The following PUM1 variants were observed in gnomAD, a reference collection of about 807,000 sequenced individuals.
PUM1 encodes pumilio homolog 1.
Under a neutral mutation model 131.8 loss-of-function variants are expected in PUM1, and 13 were observed. The ratio of observed to expected loss-of-function variants is 0.10; its 90% CI spans 0.06 to 0.16. The LOEUF (loss-of-function observed/expected upper bound fraction) is 0.16. Among genes scored for constraint, PUM1 ranks in the 10% least tolerant of loss-of-function variants. The pLI, the probability that PUM1 is intolerant of heterozygous loss-of-function variation, is 1.00. For synonymous variants in PUM1, 509 were observed against 556.5 expected, an observed-to-expected ratio of 0.91 and a Z score of 1.20; for missense variants, 961 against 1,512.4, an observed-to-expected ratio of 0.64 and a Z score of 6.05.
intron 10 of PUM1, among the ~76,000 whole-genome samples, chr1:30,969,478 T>C (rs1460035440): frequency 6.6e-6 from 1 of 152,116 alleles, no homozygotes; most frequent in Non-Finnish European, 1.5e-5. Flanking sequence ...AACACTAATA[T>C]ATTTATCAAG....
intron 2 of PUM1, among the ~76,000 whole-genome samples, chr1:31,038,984 A>ATTTTTTTTTTTTTTT (rs35507851): frequency 2.0e-5 from 1 of 49,416 alleles, no homozygotes; most frequent in African/African-American, 2.1e-4. Flanking sequence ...ATATATATAT[A>ATTTTTTTTTTTTTTT]TTTTTTTTTT....
intron 4 of PUM1, 78 bp downstream of exon 4, chr1:31,006,916 T>C (rs1019404461): frequency 9.8e-6 from 11 of 1,122,932 alleles, no homozygotes; most frequent in Admixed American, 1.9e-5. Context: ...TGATGTAAAA[T>C]TCATGACTTG....
At chr1:30,933,431 CACACACAT>C (rs1193833434) in intron 21 of PUM1, 89 bp from the exon 22 acceptor site, 41 of 850,208 alleles carry the variant, frequency 4.8e-5, no homozygotes, top group Admixed American at 4.6e-4. Context: ...TCATGCATCA[CACACACAT>C]ACACACACAC....
At position 31,048,619 on chromosome 1, in the gene PUM1, C is replaced by T. The variant is rs1187162804; in HGVS notation, c.363+10585G>A. On this transcript the variant is annotated intron_variant, in intron 2 of 21. Transcript: ENST00000426105. The stretch of plus-strand genomic sequence containing the variant: ...CCTCCCAAGTAGCTGGGACTACAGG[C>T]GCGTGCCACCATGCCCAGCTAATTT... 9.2e-5 allele frequency among the ~76,000 whole-genome samples: 14 copies of T among 151,774 alleles called. No homozygotes were observed. In the East Asian group the frequency reaches 2.0e-3, roughly 22 times the overall value.
At chr1:31,047,486 A>G (rs1317578171) in intron 2 of PUM1, among the ~76,000 whole-genome samples, 7 of 152,252 alleles carry the variant, frequency 4.6e-5, no homozygotes, top group Non-Finnish European at 1.0e-4. Flanking sequence ...ATAGATTCTA[A>G]TTGTTAAAGT....
At position 30,933,321 on chromosome 1, in the gene PUM1, G is replaced by C; in HGVS notation, c.3457C>G (p.Leu1153Val). Reference sequence around the variant, plus strand: ...TGCTTGCCATAGGTGTACTTACGAAGAGTTGCGATGTGGGGCCGGATCTGG... The same window carrying C: ...TGCTTGCCATAGGTGTACTTACGAACAGTTGCGATGTGGGGCCGGATCTGG... ...MHKIRPHIAT[L>V]RKYTYGKHIL... The change falls in exon 22 of 22, where the codon CTT becomes GTT. Residue 1153 changes from leucine (L) to valine (V), a missense_variant. Leu to Val is a conservative substitution (Grantham distance 32). This residue lies in a region of PUM1 where 178 missense variants were observed against 327.5 expected (regional missense o/e 0.54). Transcript: ENST00000426105. 1 of 1,613,898 alleles carries C rather than the reference G, an allele frequency of 6.2e-7. No individual in the cohort carries two copies. Among genetic ancestry groups the C allele is most frequent in the Non-Finnish European group, 8.5e-7 (1 of 1,179,868 alleles).
Position 30,937,853 on chromosome 1 carries a change from C to T in PUM1, c.3243-1018G>A, listed in dbSNP as rs1639278285. ...GCATGATCTCGGCTCACTGCAACTT[C>T]TGCCTCCCGGATTCAAATAATTCTT... On this transcript the variant is annotated intron_variant, in intron 20 of 21. Coordinates refer to ENST00000426105, the MANE Select transcript of PUM1 (RefSeq NM_001020658.2). Among the ~76,000 whole-genome samples the T allele has an allele frequency of 2.0e-5, 3 of 152,072 alleles. No individual in the cohort carries two copies. The South Asian group carries it at 6.2e-4, about 31-fold the overall frequency.
rs985655609 is a variant in PUM1, at chr1:30,974,750, G to A, written c.1407C>T (p.Tyr469=). ...CTTGCTGCTGGAAAAGACTGGCAGG[G>A]TAGACTCCCCAGGGAGTAACTCCAT... ...QYYGVTPWGV[Y]PASLFQQQAA... is the part of the protein sequence containing the mutation. The change falls in exon 10 of 22, where the codon TAC becomes TAT. Residue 469 remains tyrosine (Y), a synonymous_variant. Transcript: ENST00000426105. 6.2e-7 allele frequency: 1 copy of A among 1,612,954 alleles called. No individual in the cohort carries two copies. The highest frequency in any genetic ancestry group is 1.3e-5 in the African/African-American group (1 of 74,884).
chr1:31,022,752 C>T (rs2124536703), intron 3 of PUM1, among the ~76,000 whole-genome samples: 1 of 152,292 alleles, frequency 6.6e-6, no homozygotes, highest in South Asian at 2.1e-4. Flanking sequence ...TTCCTCCAGA[C>T]CACTTGGCGT....
chr1:31,048,961 T>G (rs1644039211), intron 2 of PUM1, among the ~76,000 whole-genome samples: 1 of 152,116 alleles, frequency 6.6e-6, no homozygotes, highest in Non-Finnish European at 1.5e-5. Flanking sequence ...ATCCTAGTAC[T>G]TTGGGAGGCT....
At position 31,041,073 on chromosome 1, in the gene PUM1, C is replaced by T. The variant is rs149974533; in HGVS notation, c.364-12209G>A. 4.0e-4 allele frequency among the ~76,000 whole-genome samples: 61 copies of T among 152,116 alleles called. 3 individuals carry two copies. In the East Asian group the frequency reaches 0.012, roughly 29 times the overall value. On this transcript the variant is annotated intron_variant, in intron 2 of 21. Coordinates refer to ENST00000426105, the MANE Select transcript of PUM1 (RefSeq NM_001020658.2). ...ATAGGTATAATCTCGGAACTATTGT[C>T]GGCAGAAACAGGAGGCAGAAATCTA... is the stretch of plus-strand genomic sequence containing the variant.
At chr1:31,059,615 T>C (rs1385154433) in intron 1 of PUM1, 38 bp from the exon 2 acceptor site, 1 of 1,531,142 alleles carries the variant, frequency 6.5e-7, no homozygotes, top group African/African-American at 1.4e-5. Context: ...AATATTTCCA[T>C]CTTTTGAAAC....
intron 2 of PUM1, among the ~76,000 whole-genome samples, chr1:31,039,171 A>G (rs1013915614): frequency 2.8e-5 from 4 of 144,708 alleles, no homozygotes; most frequent in Non-Finnish European, 6.0e-5. Context: ...TGACTTTTTA[A>G]TTTTTTTATA....
chr1:30,978,420 A>G (rs1641225253), intron 9 of PUM1, among the ~76,000 whole-genome samples: 1 of 152,238 alleles, frequency 6.6e-6, no homozygotes, highest in Admixed American at 6.5e-5. Flanking sequence ...TCCTACGAAG[A>G]GCTTTCTGTT....
chr1:31,017,449 C>T (rs1342884854), intron 3 of PUM1, among the ~76,000 whole-genome samples: 1 of 152,090 alleles, frequency 6.6e-6, no homozygotes, highest in African/African-American at 2.4e-5. Flanking sequence ...CCCAGAACTG[C>T]TTTGAATGTG....
At chr1:30,975,551 T>C (rs1484654692) in intron 9 of PUM1, among the ~76,000 whole-genome samples, 1 of 122,146 alleles carries the variant, frequency 8.2e-6, no homozygotes, top group Non-Finnish European at 1.7e-5. Flanking sequence ...TTGGTAGAGG[T>C]CTGTGTTGCC....
chr1:31,013,852 G>C (rs542187930), intron 3 of PUM1, among the ~76,000 whole-genome samples: 1 of 152,190 alleles, frequency 6.6e-6, no homozygotes, highest in East Asian at 1.9e-4. Context: ...AGTATATGAA[G>C]TGCTTTTATA....
chr1:30,950,304 G>A, intron 16 of PUM1, 43 bp from the exon 17 acceptor site: 2 of 1,582,554 alleles, frequency 1.3e-6, no homozygotes, highest in Non-Finnish European at 1.7e-6. Flanking sequence ...TAAGTAGAAG[G>A]AAATAAACCA....
chr1:30,948,159 A>G lies in PUM1; in HGVS notation c.2856+1968T>C, dbSNP rs576549207. 1.8e-4 allele frequency among the ~76,000 whole-genome samples: 28 copies of G among 152,264 alleles called. No homozygotes were observed. The South Asian group carries it at 5.8e-3, about 32-fold the overall frequency. ...CACTGTGCTGGGCCCAGAAGAGAAT[A>G]ATTTACTCTGAAAATACAATTATAG... On this transcript the variant is annotated intron_variant, in intron 17 of 21. Coordinates refer to ENST00000426105, the MANE Select transcript of PUM1 (RefSeq NM_001020658.2).
Sources: gnomAD v4.1 joint callset for allele counts (sites outside exome capture counted in the v4.1 genomes callset) on GRCh38, gnomAD v4.1.1 for gene constraint, gnomAD v4.1.1 regional missense constraint, MANE v1.5 for transcripts, NCBI Gene and HGNC (gene_info 2026-07-23, HGNC 2026-07-21) for gene names.